Variants in CHST8 observed in about 807,000 individuals in gnomAD.
CHST8 encodes the protein GALNAC-4-ST1.
In CHST8, 10 loss-of-function variants were observed where a neutral mutation model predicts 15.0. The observed-to-expected ratio is 0.67, with a 90% CI of 0.41 to 1.13. The LOEUF (loss-of-function observed/expected upper bound fraction) is 1.13. Among genes scored for constraint, CHST8 ranks in the 50% most tolerant of loss-of-function variants. The probability of loss-of-function intolerance (pLI) is 0.00; values close to 1 mark genes in which losing one functional copy is unlikely to be tolerated. For synonymous variants in CHST8, 259 were observed against 256.6 expected (o/e 1.01, Z -0.09); for missense variants, 634 against 608.2 (o/e 1.04, Z -0.45).
At chr19:33,681,870 C>CT (rs113510674) in intron 2 of CHST8, among the ~76,000 whole-genome samples, 2,296 of 139,404 alleles carry the variant, frequency 0.016, 44 homozygotes, top group African/African-American at 0.053. Context: ...TTGGGTTTTG[C>CT]TTTTTTTTTT....
chr19:33,656,180 T>C (rs1413074992), intron 1 of CHST8, among the ~76,000 whole-genome samples: 1 of 152,200 alleles, frequency 6.6e-6, no homozygotes, highest in Non-Finnish European at 1.5e-5. Flanking sequence ...CTTTTGTTAT[T>C]AATTTCTAGT....
At chr19:33,695,817 C>CTTT (rs1973201993) in intron 3 of CHST8, among the ~76,000 whole-genome samples, 1 of 116,202 alleles carries the variant, frequency 8.6e-6, no homozygotes, top group South Asian at 2.8e-4. Context: ...TTCTTTCTTT[C>CTTT]TTTCTTTTTT....
intron 1 of CHST8, among the ~76,000 whole-genome samples, chr19:33,658,830 C>T (rs971739635): frequency 1.3e-5 from 2 of 152,070 alleles, no homozygotes; most frequent in Non-Finnish European, 2.9e-5. Flanking sequence ...ACCCTGTTCT[C>T]TTCTTTTAGG....
chr19:33,769,791 T>A (rs915342506), intron 3 of CHST8, among the ~76,000 whole-genome samples: 2 of 152,002 alleles, frequency 1.3e-5, no homozygotes, highest in African/African-American at 4.8e-5. Flanking sequence ...AAGGCCTGTT[T>A]CAAAGATCCC....
rs117024919 is a variant in CHST8 at position 33,765,351 on chromosome 19, G to A, written c.131-6062G>A. ...CCTTCATTTCAGACATCTAGCCTTCGGAACTGTGAGAGAACACATTTTTGT... is the reference window on the plus strand; with the variant it reads ...CCTTCATTTCAGACATCTAGCCTTCAGAACTGTGAGAGAACACATTTTTGT... On this transcript the variant is annotated intron_variant, in intron 3 of 4. Transcript: ENST00000650847. Among the ~76,000 whole-genome samples the A allele has an allele frequency of 2.4e-4, 36 of 152,040 alleles. No individual in the cohort carries two copies. The East Asian group carries it at 5.0e-3, about 21-fold the overall frequency.
intron 3 of CHST8, among the ~76,000 whole-genome samples, chr19:33,771,097 C>T (rs549282378): frequency 6.6e-6 from 1 of 152,272 alleles, no homozygotes; most frequent in South Asian, 2.1e-4. Flanking sequence ...CTGGCTGCTC[C>T]ACAGGGCAGG....
chr19:33,697,306 T>C (rs888247497), intron 3 of CHST8, among the ~76,000 whole-genome samples: 2 of 152,192 alleles, frequency 1.3e-5, no homozygotes, highest in African/African-American at 4.8e-5. Context: ...CTCAGGTCAC[T>C]GCAGCCTTGA....
At chr19:33,670,751 G>T (rs1467501843) in intron 2 of CHST8, among the ~76,000 whole-genome samples, 1 of 152,178 alleles carries the variant, frequency 6.6e-6, no homozygotes, top group Non-Finnish European at 1.5e-5. Context: ...GCAGGTTGAT[G>T]GAATTGTCGG....
chr19:33,758,523 G>A (rs1291424277), intron 3 of CHST8, among the ~76,000 whole-genome samples: 1 of 152,234 alleles, frequency 6.6e-6, no homozygotes, highest in African/African-American at 2.4e-5. Flanking sequence ...GCTCTTTAGG[G>A]TATCACAGCA....
At chr19:33,664,438 C>T (rs1464260336) in intron 1 of CHST8, among the ~76,000 whole-genome samples, 3 of 94,632 alleles carry the variant, frequency 3.2e-5, no homozygotes, top group Admixed American at 1.2e-4. Flanking sequence ...CTCCCCCCTC[C>T]CCCCTCCCCC....
At chr19:33,642,733 TTGAATCCTTCTGGCTCTGG>T (rs1231026992) in intron 1 of CHST8, among the ~76,000 whole-genome samples, 1 of 152,244 alleles carries the variant, frequency 6.6e-6, no homozygotes, top group East Asian at 1.9e-4. Flanking sequence ...TTACCGTCCT[TTGAATCCTTCTGGCTCTGG>T]TGTTGGCATA....
intron 2 of CHST8, among the ~76,000 whole-genome samples, chr19:33,686,005 C>T (rs1254535608): frequency 6.6e-6 from 1 of 152,136 alleles, no homozygotes; most frequent in Non-Finnish European, 1.5e-5. Flanking sequence ...CCTGTTTGCA[C>T]GGAGCAGGGA....
chr19:33,627,450 T>C (rs1972070475), intron 1 of CHST8, among the ~76,000 whole-genome samples: 1 of 152,108 alleles, frequency 6.6e-6, no homozygotes, highest in African/African-American at 2.4e-5. Context: ...GGGATTCCTT[T>C]ACAGCAACAG....
At chr19:33,747,217 A>G (rs1240579302) in intron 3 of CHST8, among the ~76,000 whole-genome samples, 5 of 152,188 alleles carry the variant, frequency 3.3e-5, no homozygotes, top group African/African-American at 4.8e-5. Flanking sequence ...TAGAGAAGCC[A>G]TAGGTGCCCC....
intron 2 of CHST8, among the ~76,000 whole-genome samples, chr19:33,683,219 A>G (rs1018921547): frequency 6.6e-6 from 1 of 152,200 alleles, no homozygotes; most frequent in African/African-American, 2.4e-5. Flanking sequence ...TTTGGAGGGG[A>G]CACATATCCA....
At chr19:33,715,346 C>T (rs773759955) in intron 3 of CHST8, among the ~76,000 whole-genome samples, 1 of 152,154 alleles carries the variant, frequency 6.6e-6, no homozygotes, top group Non-Finnish European at 1.5e-5. Context: ...TAACATGGGG[C>T]TCTTGGCTGG....
At chr19:33,735,517 C>T (rs886872279) in intron 3 of CHST8, among the ~76,000 whole-genome samples, 3 of 152,186 alleles carry the variant, frequency 2.0e-5, no homozygotes, top group African/African-American at 4.8e-5. Context: ...CTTCACTCTC[C>T]ACTGCAGCCA....
In CHST8 at chr19:33,635,635, C is replaced by T. The variant is rs564430109; in HGVS notation, c.-164+13339C>T. On this transcript the variant is annotated intron_variant, in intron 1 of 4. Transcript: ENST00000650847. ...GGGGGGGTGACAACACCTCATGGAC[C>T]ACTCAGCATGAGCTCCGTCCCTGAG... is the stretch of plus-strand genomic sequence containing the variant. Among the ~76,000 whole-genome samples, 3 of 152,212 alleles carry T rather than the reference C, an allele frequency of 2.0e-5. No individual in the cohort carries two copies. In the East Asian group the frequency reaches 5.8e-4, roughly 29 times the overall value.
At chr19:33,720,371 C>T (rs572469901) in intron 3 of CHST8, among the ~76,000 whole-genome samples, 3 of 151,228 alleles carry the variant, frequency 2.0e-5, no homozygotes, top group Middle Eastern at 3.4e-3. Flanking sequence ...ATCACACATA[C>T]CCCACATACA....
Sources: allele counts gnomAD v4.1 joint callset (sites outside exome capture counted in the v4.1 genomes callset), GRCh38; gene constraint gnomAD v4.1.1; transcripts MANE v1.5; gene names NCBI Gene and HGNC (gene_info 2026-07-23, HGNC 2026-07-21).